Variants in IL18 observed in about 807,000 individuals in gnomAD.
IL18 encodes interleukin 18.
A neutral mutation model predicts 14.2 loss-of-function variants in IL18; 8 were observed. The observed-to-expected ratio is 0.56, with a 90% CI of 0.33 to 1.01. The LOEUF (loss-of-function observed/expected upper bound fraction) is 1.01. Among genes scored for constraint, IL18 ranks in the 50% least tolerant of loss-of-function variants. The pLI, the probability that IL18 is intolerant of heterozygous loss-of-function variation, is 0.03. For synonymous variants in IL18, 67 were observed against 71.0 expected, an observed-to-expected ratio of 0.94 and a Z score of 0.28; for missense variants, 166 against 231.1, an observed-to-expected ratio of 0.72 and a Z score of 1.83.
In IL18 at chr11:112,148,509, T is replaced by C. The variant is rs1866379345; in HGVS notation, c.360+94A>G. 9.4e-6 allele frequency: 6 copies of C among 635,438 alleles called. No homozygotes were observed. The East Asian group carries it at 2.3e-4, about 24-fold the overall frequency. The allele number at this position is 635,438 out of a possible 1,614,324, so 39.4% of individuals were successfully genotyped here. ...TCTGAGGATATTTGAGTTTTCTAATTACATTACTTATATTAACATTAGAAA... is the reference window on the plus strand; with the variant it reads ...TCTGAGGATATTTGAGTTTTCTAATCACATTACTTATATTAACATTAGAAA... On this transcript the variant is annotated intron_variant, in intron 5 of 5. Transcript: ENST00000280357.
intron 3 of IL18, 165 bp from the exon 4 acceptor site, chr11:112,150,371 A>G: frequency 1.8e-6 from 1 of 556,150 alleles, no homozygotes; most frequent in East Asian, 3.0e-5. Flanking sequence ...TCTCAAAGGC[A>G]CACTCAATTT....
intron 5 of IL18, 38 bp from the exon 6 acceptor site, chr11:112,143,855 A>G (rs1405753267): frequency 2.3e-6 from 3 of 1,287,802 alleles, no homozygotes; most frequent in South Asian, 2.6e-5. Flanking sequence ...ATTTCAGGAC[A>G]TGAACAATTT....
intron 4 of IL18, among the ~76,000 whole-genome samples, chr11:112,149,558 G>GTT (rs561459069): frequency 1.1e-3 from 114 of 99,326 alleles, no homozygotes; most frequent in African/African-American, 4.0e-3. Flanking sequence ...CTTTTCTTAA[G>GTT]TTTTTTTTTT....
intron 5 of IL18, 83 bp downstream of exon 5, chr11:112,148,520 T>C: frequency 1.4e-6 from 1 of 710,756 alleles, no homozygotes; most frequent in Non-Finnish European, 2.0e-6. Flanking sequence ...ACATTACTTA[T>C]ATTAACATTA....
intron 4 of IL18, among the ~76,000 whole-genome samples, chr11:112,149,159 G>A (rs561265375): frequency 7.2e-4 from 109 of 152,170 alleles, no homozygotes; most frequent in African/African-American, 2.5e-3. Context: ...GGTGTAAGTG[G>A]TGCATGCCTG....
chr11:112,156,225 T>A (rs5744243), intron 1 of IL18, among the ~76,000 whole-genome samples: 3,387 of 152,208 alleles, frequency 0.022, 136 homozygotes, highest in African/African-American at 0.077. Context: ...AAAACTCAGT[T>A]TAAAAAAAAT....
intron 3 of IL18, among the ~76,000 whole-genome samples, chr11:112,151,668 T>C (rs570891224): frequency 1.3e-5 from 2 of 152,328 alleles, no homozygotes; most frequent in South Asian, 4.1e-4. Flanking sequence ...GCAATCTGCC[T>C]CTGCCTCCAT....
intron 4 of IL18, 86 bp from the exon 5 acceptor site, chr11:112,148,822 T>G: frequency 1.3e-6 from 1 of 744,810 alleles, no homozygotes; most frequent in East Asian, 3.3e-5. Context: ...AGGATAGTCC[T>G]TAATACACCT....
At chr11:112,154,722 T>C (rs949549614) in intron 2 of IL18, among the ~76,000 whole-genome samples, 2 of 152,226 alleles carry the variant, frequency 1.3e-5, no homozygotes, top group East Asian at 3.8e-4. Context: ...GGGATTTTCA[T>C]GATGTGCACT....
At chr11:112,144,774 C>T (rs1866307015) in intron 5 of IL18, among the ~76,000 whole-genome samples, 4 of 152,254 alleles carry the variant, frequency 2.6e-5, no homozygotes, top group Admixed American at 1.3e-4. Flanking sequence ...TCTTGAATTT[C>T]TGTCCTGAAT....
At chr11:112,154,169 G>T (rs1866493466) in intron 2 of IL18, among the ~76,000 whole-genome samples, 2 of 152,050 alleles carry the variant, frequency 1.3e-5, no homozygotes. Flanking sequence ...TTTAAATGAA[G>T]GTTTCAAATG....
At chr11:112,150,025 G>C (rs767631663) in intron 4 of IL18, 47 bp downstream of exon 4, 2 of 1,519,594 alleles carry the variant, frequency 1.3e-6, no homozygotes, top group African/African-American at 2.8e-5. Flanking sequence ...AAACAGAATG[G>C]GAAGAAGTAG....
intron 5 of IL18, among the ~76,000 whole-genome samples, chr11:112,145,026 G>A (rs1866311592): frequency 6.6e-6 from 1 of 152,214 alleles, no homozygotes; most frequent in Admixed American, 6.5e-5. Flanking sequence ...ACCAGTAGAT[G>A]TTTTGGACTT....
chr11:112,152,739 T>C (rs959294074), intron 3 of IL18, among the ~76,000 whole-genome samples: 2 of 152,198 alleles, frequency 1.3e-5, no homozygotes. Context: ...TAGGGGATGA[T>C]GGGTACAAGA....
At chr11:112,154,528 C>A (rs1866500326) in intron 2 of IL18, among the ~76,000 whole-genome samples, 1 of 151,322 alleles carries the variant, frequency 6.6e-6, no homozygotes, top group African/African-American at 2.4e-5. Flanking sequence ...AAAAAAGAAT[C>A]AATTTTTACT....
chr11:112,150,456 C>G (rs79607482), intron 3 of IL18: 1 of 327,298 alleles, frequency 3.1e-6, no homozygotes, highest in African/African-American at 2.2e-5. Flanking sequence ...GGTCTCTTAC[C>G]CTTCTAGTTT....
chr11:112,158,017 C>T lies in IL18; in HGVS notation c.-8-2956G>A, dbSNP rs529867862. Reference sequence around the variant, plus strand: ...GATTACAGTCATGCACCACCACGCCCGGCTAATTTTGTATTTTTAGTAGAG... The same window carrying T: ...GATTACAGTCATGCACCACCACGCCTGGCTAATTTTGTATTTTTAGTAGAG... On this transcript the variant is annotated intron_variant, in intron 1 of 5. Coordinates refer to ENST00000280357, the MANE Select transcript of IL18 (RefSeq NM_001562.4). Among the ~76,000 whole-genome samples, 8 of 152,260 alleles carry T rather than the reference C, an allele frequency of 5.3e-5. No homozygotes were observed. In the South Asian group the frequency reaches 6.2e-4, roughly 12 times the overall value.
At chr11:112,158,721 A>G (rs1374845679) in intron 1 of IL18, among the ~76,000 whole-genome samples, 1 of 152,164 alleles carries the variant, frequency 6.6e-6, no homozygotes, top group Non-Finnish European at 1.5e-5. Context: ...AGACACTTGC[A>G]TGTGGCAATA....
intron 5 of IL18, among the ~76,000 whole-genome samples, chr11:112,145,881 T>C (rs1186287665): frequency 1.3e-5 from 2 of 152,178 alleles, no homozygotes; most frequent in East Asian, 3.9e-4. Context: ...GGCAGTAGCT[T>C]TCCTAGTTTT....
Sources: allele counts gnomAD v4.1 joint callset (sites outside exome capture counted in the v4.1 genomes callset), GRCh38; gene constraint gnomAD v4.1.1; transcripts MANE v1.5; gene names NCBI Gene and HGNC (gene_info 2026-07-23, HGNC 2026-07-21).